Variants in DNAH2 observed in about 807,000 individuals in gnomAD.
The protein encoded by DNAH2 is dynein axonemal heavy chain 2.
A neutral mutation model predicts 523.5 loss-of-function variants in DNAH2; 323 were observed. That is an observed-to-expected ratio of 0.62 (90% CI 0.56 to 0.68). The LOEUF (loss-of-function observed/expected upper bound fraction) is 0.68, where lower values mean the gene tolerates loss of function less well. Ranked by LOEUF, DNAH2 falls within the 30% of genes least tolerant of loss-of-function variation. The pLI is 0.00. For synonymous variants in DNAH2, 2,093 were observed against 2,177.4 expected (o/e 0.96, Z 1.08); for missense variants, 4,907 against 5,701.5 (o/e 0.86, Z 4.49).
intron 20 of DNAH2, 77 bp from the exon 21 acceptor site, chr17:7,765,314 C>T (rs1372161874): frequency 7.8e-7 from 1 of 1,283,434 alleles, no homozygotes; most frequent in East Asian, 2.4e-5. Context: ...GGCAGACCTC[C>T]TGCTCCTGGT....
At chr17:7,816,847 G>C (rs2077683527) in intron 64 of DNAH2, 112 bp downstream of exon 64, 21 of 1,377,634 alleles carry the variant, frequency 1.5e-5, no homozygotes, top group Non-Finnish European at 1.9e-5. Context: ...CTGGGTATAG[G>C]GAACTCTAAG....
In DNAH2 at chr17:7,770,237, T is replaced by C. The variant is rs754048870; in HGVS notation, c.3942-15T>C. 1 of 1,589,862 alleles carries C rather than the reference T, an allele frequency of 6.3e-7. No individual in the cohort carries two copies. The highest frequency in any genetic ancestry group is 8.6e-7 in the Non-Finnish European group (1 of 1,168,644). On this transcript the variant is annotated splice_polypyrimidine_tract_variant and intron_variant, in intron 24 of 85. Coordinates refer to ENST00000572933, the MANE Select transcript of DNAH2 (RefSeq NM_020877.5). ...TAACTCTCCTGACCTCACACCCTCC[T>C]GTTCCTGGCTGCAGGCACTGGGACC...
chr17:7,831,374 G>C lies in DNAH2; in HGVS notation c.12460-16G>C. The C allele has an allele frequency of 6.2e-7, 1 of 1,614,166 alleles. No individual in the cohort carries two copies. The highest frequency in any genetic ancestry group is 8.5e-7 in the Non-Finnish European group (1 of 1,180,036). On this transcript the variant is annotated splice_polypyrimidine_tract_variant and intron_variant, in intron 80 of 85. Coordinates refer to ENST00000572933, the MANE Select transcript of DNAH2 (RefSeq NM_020877.5). This position sits in a 1 kb window ranked among gnomAD's most constrained non-coding sequence, Gnocchi z 4.2. ...TGAGAAGAGGGGGCTACACTCAAGA[G>C]CTCCTGCCTGCTCAGGTCCTTGAGT...
At position 7,832,600 on chromosome 17, in the gene DNAH2, T is replaced by C. The variant is rs75686971; in HGVS notation, c.12748T>C (p.Leu4250=). ...WGKAYPSQKP[L]AAWTRDLAMR... is the part of the protein sequence containing the mutation. ...CCAGGCATACCCCTCACAAAAGCCATTGGCTGCCTGGACCCGGGACTTGGC... is the reference window on the plus strand; with the variant it reads ...CCAGGCATACCCCTCACAAAAGCCACTGGCTGCCTGGACCCGGGACTTGGC... Residue 4250 remains leucine, a synonymous_variant, in exon 83 of 86, where the codon TTG becomes CTG. Transcript: ENST00000572933. The surrounding 1 kb of genome is among the most constrained non-coding windows in gnomAD (Gnocchi z 4.3). 1.7e-3 allele frequency: 2,788 copies of C among 1,614,124 alleles called. 7 individuals carry two copies. The highest frequency in any genetic ancestry group is 3.1e-3 in the South Asian group (282 of 91,084).
At chr17:7,744,729 C>T (rs921725864) in intron 12 of DNAH2, among the ~76,000 whole-genome samples, 13 of 152,076 alleles carry the variant, frequency 8.5e-5, no homozygotes, top group African/African-American at 2.9e-4. Context: ...CATAAATCAA[C>T]GATAAGATTC....
In DNAH2 at chr17:7,788,197, A is replaced by G. The variant is rs770961589; in HGVS notation, c.6853A>G (p.Thr2285Ala). The change falls in exon 44 of 86, where the codon ACC (threonine) becomes GCC (alanine). Residue 2285 changes from threonine to alanine, a missense_variant. This residue lies in a region of DNAH2 where 2,806 missense variants were observed against 3,190.8 expected (regional missense o/e 0.88). Coordinates refer to ENST00000572933, the MANE Select transcript of DNAH2 (RefSeq NM_020877.5). ...LVPLPEYSGI[T>A]SLCKLYSALA... is the part of the protein sequence containing the mutation. ...GCCCCTGCCCGAGTACAGCGGTATC[A>G]CCTCCCTCTGCAAGCTGTACTCTGC... 2 of 1,608,250 alleles carry G rather than the reference A, an allele frequency of 1.2e-6. No individual in the cohort carries two copies. Among genetic ancestry groups the G allele is most frequent in the Non-Finnish European group, 1.7e-6 (2 of 1,177,434 alleles).
chr17:7,833,525 G>A lies in DNAH2; in HGVS notation c.13276G>A (p.Asp4426Asn). Residue 4426 changes from aspartate (D) to asparagine (N), a missense_variant, in exon 86 of 86, where the codon GAC (aspartate) becomes AAC (asparagine). Transcript: ENST00000572933. ...GGGCACTGCTCTACTCATGAGCCTG[G>A]ACAGCTGAGACCTCCTCCTCTTCTC... ...KRGTALLMSL[D>N]S 1 of 1,613,744 alleles carries A rather than the reference G, an allele frequency of 6.2e-7. No individual in the cohort carries two copies. Among genetic ancestry groups the A allele is most frequent in the South Asian group, 1.1e-5 (1 of 91,072 alleles).
At chr17:7,787,104 G>A (rs868051768) in intron 42 of DNAH2, 71 bp downstream of exon 42, 2 of 1,569,086 alleles carry the variant, frequency 1.3e-6, no homozygotes, top group Middle Eastern at 4.0e-4. Flanking sequence ...GGGCTGGGGA[G>A]GAGAGCCAGA....
rs1271250858 is a variant in DNAH2, at chr17:7,821,654, C to T, written c.11142+285C>T. Among the ~76,000 whole-genome samples the T allele has an allele frequency of 1.3e-5, 2 of 152,136 alleles. No individual in the cohort carries two copies. Among genetic ancestry groups the T allele is most frequent in the Admixed American group, 1.3e-4 (2 of 15,266 alleles). ...TTTTTTACTGCCTTTCAAGGCACTC[C>T]TTCCCCAGCCTGAGTTCCATGGTCG... is the stretch of plus-strand genomic sequence containing the variant. On this transcript the variant is annotated intron_variant, in intron 73 of 85. Transcript: ENST00000572933. The surrounding 1 kb of genome is among the most constrained non-coding windows in gnomAD (Gnocchi z 5.0).
At chr17:7,720,884 G>A (rs2074579830) in intron 2 of DNAH2, among the ~76,000 whole-genome samples, 2 of 152,068 alleles carry the variant, frequency 1.3e-5, no homozygotes, top group Admixed American at 1.3e-4. Context: ...GGAAGACAGT[G>A]AGGTTCAGTA....
At chr17:7,792,582 G>T in intron 46 of DNAH2, 75 bp from the exon 47 acceptor site, 2 of 1,301,680 alleles carry the variant, frequency 1.5e-6, no homozygotes, top group South Asian at 1.2e-5. Flanking sequence ...CAGTGGTGAC[G>T]TAGAGGGAAA....
At position 7,821,128 on chromosome 17, in the gene DNAH2, G is replaced by T; in HGVS notation, c.11016-115G>T. ...AGCTGTTTCCAGGAGGTTAGGATTAGAGGCTGGTGAGGTCCTCTGTGTGAA... is the reference window on the plus strand; with the variant it reads ...AGCTGTTTCCAGGAGGTTAGGATTATAGGCTGGTGAGGTCCTCTGTGTGAA... On this transcript the variant is annotated intron_variant, in intron 72 of 85. Transcript: ENST00000572933. The surrounding 1 kb of genome is among the most constrained non-coding windows in gnomAD (Gnocchi z 5.0). 7.0e-7 allele frequency: 1 copy of T among 1,426,650 alleles called. No individual in the cohort carries two copies. 88.4% of individuals were successfully genotyped at this position (1,426,650 alleles called of 1,614,324 possible).
At position 7,819,314 on chromosome 17, in the gene DNAH2, C is replaced by T; in HGVS notation, c.10921C>T (p.Leu3641Phe). Residue 3641 changes from leucine to phenylalanine, a missense_variant, in exon 72 of 86, where the codon CTC becomes TTC. Physicochemically the swap from Leu to Phe is conservative, Grantham distance 22 (BLOSUM62 0). Coordinates refer to ENST00000572933, the MANE Select transcript of DNAH2 (RefSeq NM_020877.5). The part of the protein sequence containing the change: ...YQFSLDAYIS[L>F]FILSIDKSHR... Reference sequence around the variant, plus strand: ...GTTCTCACTGGATGCCTACATCAGCCTCTTTATTCTCAGCATTGACAAAAG... The same window carrying T: ...GTTCTCACTGGATGCCTACATCAGCTTCTTTATTCTCAGCATTGACAAAAG... 1.2e-6 allele frequency: 2 copies of T among 1,614,246 alleles called. No homozygotes were observed. The highest frequency in any genetic ancestry group is 1.1e-5 in the South Asian group (1 of 91,090).
chr17:7,751,469 T>C (rs1326525720), intron 12 of DNAH2, among the ~76,000 whole-genome samples: 6 of 152,216 alleles, frequency 3.9e-5, no homozygotes, highest in Non-Finnish European at 8.8e-5. Context: ...TCTCTACATT[T>C]AGATGTTTGA....
At position 7,807,145 on chromosome 17, in the gene DNAH2, C is replaced by T. The variant is rs775818520; in HGVS notation, c.9443-5C>T. On this transcript the variant is annotated splice_polypyrimidine_tract_variant and splice_region_variant and intron_variant, in intron 61 of 85. Transcript: ENST00000572933. The surrounding 1 kb of genome is among the most constrained non-coding windows in gnomAD (Gnocchi z 5.6). The stretch of plus-strand genomic sequence containing the variant: ...TGGCTAAGGCCCCTAATTTTCATCC[C>T]ACAGGGGAACAGAACTTCATCAAGT... 6.2e-7 allele frequency: 1 copy of T among 1,603,752 alleles called. No individual in the cohort carries two copies. The highest frequency in any genetic ancestry group is 1.1e-5 in the South Asian group (1 of 91,004).
rs202103077 is a variant in DNAH2 at position 7,768,279 on chromosome 17, C to T, written c.3941+12C>T. 36 of 1,614,066 alleles carry T rather than the reference C, an allele frequency of 2.2e-5. No individual in the cohort carries two copies. Among genetic ancestry groups the T allele is most frequent in the Non-Finnish European group, 2.8e-5 (33 of 1,179,982 alleles). ...GCCCTTAGAGAGAGGTGAGGCTTCT[C>T]CTCTGCTCCGGGGTGTCCACTCTGC... On this transcript the variant is annotated intron_variant, in intron 24 of 85. Coordinates refer to ENST00000572933, the MANE Select transcript of DNAH2 (RefSeq NM_020877.5).
chr17:7,764,782 C>CTTTT (rs59188289), intron 20 of DNAH2, among the ~76,000 whole-genome samples: 24 of 49,506 alleles, frequency 4.8e-4, no homozygotes, highest in African/African-American at 1.9e-3. Flanking sequence ...ACTGTATTTA[C>CTTTT]TTTTTTTTTT....
Position 7,817,865 on chromosome 17 carries a change from C to A in DNAH2, c.10236+9C>A. The A allele has an allele frequency of 6.2e-7, 1 of 1,612,096 alleles. No homozygotes were observed. The highest frequency in any genetic ancestry group is 8.5e-7 in the Non-Finnish European group (1 of 1,179,426). On this transcript the variant is annotated intron_variant, in intron 67 of 85. Transcript: ENST00000572933. ...ACATGGAAGGAGGCCAGGTGTGAGG[C>A]TGGGGGGTCAGGTTAGCCCCCCCCT...
At chr17:7,812,283 G>A (rs2077537407) in intron 63 of DNAH2, among the ~76,000 whole-genome samples, 2 of 151,980 alleles carry the variant, frequency 1.3e-5, no homozygotes, top group Admixed American at 6.6e-5. Context: ...GGTTGATCGT[G>A]GTAAAATACA....
Sources: allele counts gnomAD v4.1 joint callset (sites outside exome capture counted in the v4.1 genomes callset), GRCh38; gene constraint gnomAD v4.1.1; regional missense constraint gnomAD v4.1.1; non-coding constraint Gnocchi (gnomAD v3.1); transcripts MANE v1.5; gene names NCBI Gene and HGNC (gene_info 2026-07-23, HGNC 2026-07-21).